Variants in RNF144B observed in about 807,000 individuals in gnomAD.
RNF144B encodes ring finger protein 144B.
Under a neutral mutation model 40.2 loss-of-function variants are expected in RNF144B, and 25 were observed. The observed-to-expected ratio is 0.62, with a 90% CI of 0.45 to 0.87. The LOEUF (loss-of-function observed/expected upper bound fraction) is 0.87, where lower values mean the gene tolerates loss of function less well. RNF144B is among the 40% of genes least tolerant of loss of function. The pLI, the probability that RNF144B is intolerant of heterozygous loss-of-function variation, is 0.00. For synonymous variants in RNF144B, 145 were observed against 136.3 expected, an observed-to-expected ratio of 1.06 and a Z score of -0.44; for missense variants, 365 against 373.7, an observed-to-expected ratio of 0.98 and a Z score of 0.19.
rs551689448 is a variant in RNF144B at position 18,434,872 on chromosome 6, C to T, written c.271-4812C>T. 6.6e-6 allele frequency among the ~76,000 whole-genome samples: 1 copy of T among 152,158 alleles called. No homozygotes were observed. Among genetic ancestry groups the T allele is most frequent in the East Asian group, 1.9e-4 (1 of 5,186 alleles). ...TCCTGACCTCGTGATCCACCTGCCT[C>T]GGCCTCCCAAAGTGCTAGGATTACA... On this transcript the variant is annotated intron_variant, in intron 3 of 7. Coordinates refer to ENST00000259939, the MANE Select transcript of RNF144B (RefSeq NM_182757.4). The surrounding 1 kb of genome is among the most constrained non-coding windows in gnomAD (Gnocchi z 4.1).
rs1042343954 is a variant in RNF144B, at chr6:18,450,929, C to A, written c.332-6226C>A. Among the ~76,000 whole-genome samples, 2 of 152,026 alleles carry A rather than the reference C, an allele frequency of 1.3e-5. No homozygotes were observed. The highest frequency in any genetic ancestry group is 2.9e-5 in the Non-Finnish European group (2 of 68,010). ...TTGTGTTTTGTCTCAGCATGTGTTT[C>A]CTGCTTTGTTTTATGATTAGGAGGG... On this transcript the variant is annotated intron_variant, in intron 4 of 7. Transcript: ENST00000259939. The surrounding 1 kb of genome is among the most constrained non-coding windows in gnomAD (Gnocchi z 4.7).
intron 1 of RNF144B, among the ~76,000 whole-genome samples, chr6:18,389,558 T>C (rs530531499): frequency 1.3e-5 from 2 of 152,364 alleles, no homozygotes; most frequent in Admixed American, 6.5e-5. Context: ...CTGCTAATCC[T>C]GGCTTCTTTG....
intron 1 of RNF144B, among the ~76,000 whole-genome samples, chr6:18,397,121 C>T (rs1411800479): frequency 2.0e-5 from 3 of 152,186 alleles, no homozygotes; most frequent in Non-Finnish European, 2.9e-5. Context: ...CTTCAGGTTG[C>T]TCGAGTTAGT....
In RNF144B at chr6:18,405,702, G is replaced by A. The variant is rs1794890960; in HGVS notation, c.165+6003G>A. Among the ~76,000 whole-genome samples, 1 of 152,108 alleles carries A rather than the reference G, an allele frequency of 6.6e-6. No individual in the cohort carries two copies. The highest frequency in any genetic ancestry group is 1.5e-5 in the Non-Finnish European group (1 of 68,016). ...TCCACTGACAACGGAGCCACTGCAG[G>A]GTCAGATGGCATCTGTGGAAAAAGA... On this transcript the variant is annotated intron_variant, in intron 2 of 7. Coordinates refer to ENST00000259939, the MANE Select transcript of RNF144B (RefSeq NM_182757.4). This position sits in a 1 kb window ranked among gnomAD's most constrained non-coding sequence, Gnocchi z 4.5.
In RNF144B at chr6:18,447,951, G is replaced by A. The variant is rs1169807098; in HGVS notation, c.331+8207G>A. 6.6e-6 allele frequency among the ~76,000 whole-genome samples: 1 copy of A among 152,108 alleles called. No homozygotes were observed. Among genetic ancestry groups the A allele is most frequent in the Non-Finnish European group, 1.5e-5 (1 of 68,032 alleles). ...GTGAAGACAGTGTTTAAGGAGGAGA[G>A]TGTCCACTGGGTCCGAAGCTACTGA... is the stretch of plus-strand genomic sequence containing the variant. On this transcript the variant is annotated intron_variant, in intron 4 of 7. Transcript: ENST00000259939. This position sits in a 1 kb window ranked among gnomAD's most constrained non-coding sequence, Gnocchi z 5.6.
intron 2 of RNF144B, among the ~76,000 whole-genome samples, chr6:18,424,280 G>A (rs1181702237): frequency 6.6e-6 from 1 of 152,168 alleles, no homozygotes; most frequent in Non-Finnish European, 1.5e-5. Flanking sequence ...ACAAGCCTGG[G>A]GTACTTGAAA....
rs879422022 is a variant in RNF144B, at chr6:18,457,796, A to G, written c.536+437A>G. Among the ~76,000 whole-genome samples, 10 of 152,068 alleles carry G rather than the reference A, an allele frequency of 6.6e-5. No individual in the cohort carries two copies. The highest frequency in any genetic ancestry group is 1.3e-4 in the Non-Finnish European group (9 of 68,044). On this transcript the variant is annotated intron_variant, in intron 5 of 7. Transcript: ENST00000259939. This position sits in a 1 kb window ranked among gnomAD's most constrained non-coding sequence, Gnocchi z 5.1. ...TGACAGTCATATTAGAAAGAACACA[A>G]CAATAGAAACAACGGTCCTAAATTC...
chr6:18,452,997 G>T (rs1396434962), intron 4 of RNF144B, among the ~76,000 whole-genome samples: 1 of 152,084 alleles, frequency 6.6e-6, no homozygotes, highest in African/African-American at 2.4e-5. Context: ...CTGTTGGCCA[G>T]GCTGGTCTTG....
intron 1 of RNF144B, among the ~76,000 whole-genome samples, chr6:18,397,662 G>A (rs1794720578): frequency 6.6e-6 from 1 of 152,088 alleles, no homozygotes; most frequent in African/African-American, 2.4e-5. Flanking sequence ...TTTTGTTTCT[G>A]TGCAGCTTCA....
rs1016389998 is a variant in RNF144B, at chr6:18,434,766, C to T, written c.271-4918C>T. The stretch of plus-strand genomic sequence containing the variant: ...CCTCCTGAGTAGCTGGGACTACAGG[C>T]GCCTGCTACCACGCCCAGCTAATTT... On this transcript the variant is annotated intron_variant, in intron 3 of 7. Transcript: ENST00000259939. This position sits in a 1 kb window ranked among gnomAD's most constrained non-coding sequence, Gnocchi z 4.1. Among the ~76,000 whole-genome samples, 1 of 152,046 alleles carries T rather than the reference C, an allele frequency of 6.6e-6. No homozygotes were observed. The highest frequency in any genetic ancestry group is 6.6e-5 in the Admixed American group (1 of 15,254).
intron 2 of RNF144B, among the ~76,000 whole-genome samples, chr6:18,424,104 G>A (rs1221427216): frequency 6.6e-6 from 1 of 152,146 alleles, no homozygotes; most frequent in Non-Finnish European, 1.5e-5. Context: ...CTAGATGCCA[G>A]TTTTCCCCCC....
rs1759321741 is a variant in RNF144B at position 18,456,187 on chromosome 6, G to T, written c.332-968G>T. On this transcript the variant is annotated intron_variant, in intron 4 of 7. Coordinates refer to ENST00000259939, the MANE Select transcript of RNF144B (RefSeq NM_182757.4). The surrounding 1 kb of genome is among the most constrained non-coding windows in gnomAD (Gnocchi z 4.7). ...TCCGCCTACCTCAGCCTCCCAAAGT[G>T]CTGGGATTACAGGCGTGAGCCACAG... Among the ~76,000 whole-genome samples the T allele has an allele frequency of 6.6e-6, 1 of 152,184 alleles. No homozygotes were observed. Among genetic ancestry groups the T allele is most frequent in the African/African-American group, 2.4e-5 (1 of 41,456 alleles).
rs1759530261 is a variant in RNF144B at position 18,464,351 on chromosome 6, T to G, written c.772-576T>G. ...TATACTGAGCTTGCGACAGCTTGAG[T>G]TAGCATTTGGATGGTTTCCATCCTT... is the stretch of plus-strand genomic sequence containing the variant. On this transcript the variant is annotated intron_variant, in intron 7 of 7. Transcript: ENST00000259939. This position sits in a 1 kb window ranked among gnomAD's most constrained non-coding sequence, Gnocchi z 6.1. Among the ~76,000 whole-genome samples the G allele has an allele frequency of 1.3e-5, 2 of 152,042 alleles. No individual in the cohort carries two copies. Among genetic ancestry groups the G allele is most frequent in the African/African-American group, 4.8e-5 (2 of 41,404 alleles).
rs1758443689 is a variant in RNF144B, at chr6:18,422,285, T to A, written c.166-5296T>A. Among the ~76,000 whole-genome samples, 1 of 152,176 alleles carries A rather than the reference T, an allele frequency of 6.6e-6. No homozygotes were observed. Among genetic ancestry groups the A allele is most frequent in the South Asian group, 2.1e-4 (1 of 4,822 alleles). On this transcript the variant is annotated intron_variant, in intron 2 of 7. Transcript: ENST00000259939. This position sits in a 1 kb window ranked among gnomAD's most constrained non-coding sequence, Gnocchi z 4.7. ...CTTATTCTTGGATCATGTGTACAGA[T>A]CATAGTCTGAAGTGGAATAAGCAGA...
At chr6:18,427,174 C>T (rs999600039) in intron 2 of RNF144B, among the ~76,000 whole-genome samples, 1 of 152,140 alleles carries the variant, frequency 6.6e-6, no homozygotes, top group Non-Finnish European at 1.5e-5. Context: ...TAGCTCAGTG[C>T]AAGGGTCACA....
intron 2 of RNF144B, among the ~76,000 whole-genome samples, chr6:18,409,269 T>A (rs540067066): frequency 6.7e-6 from 1 of 148,950 alleles, no homozygotes; most frequent in Admixed American, 6.9e-5. Flanking sequence ...TCCCAGCTAT[T>A]TGGGAGGCTG....
At position 18,447,745 on chromosome 6, in the gene RNF144B, G is replaced by A. The variant is rs1759114800; in HGVS notation, c.331+8001G>A. Among the ~76,000 whole-genome samples, 1 of 152,164 alleles carries A rather than the reference G, an allele frequency of 6.6e-6. No homozygotes were observed. Among genetic ancestry groups the A allele is most frequent in the Admixed American group, 6.5e-5 (1 of 15,272 alleles). ...AGTCAGGATCAGTAGTATAAACTTT[G>A]GAATCGTCAGCATAGAGGTCAGGTT... On this transcript the variant is annotated intron_variant, in intron 4 of 7. Transcript: ENST00000259939. This position sits in a 1 kb window ranked among gnomAD's most constrained non-coding sequence, Gnocchi z 5.6.
chr6:18,420,530 G>A (rs1707566195), intron 2 of RNF144B, among the ~76,000 whole-genome samples: 2 of 152,140 alleles, frequency 1.3e-5, no homozygotes, highest in African/African-American at 4.8e-5. Context: ...TGCTGGGCGT[G>A]CTACATTGCT....
At chr6:18,455,808 T>C (rs183292704) in intron 4 of RNF144B, among the ~76,000 whole-genome samples, 30 of 152,354 alleles carry the variant, frequency 2.0e-4, no homozygotes, top group Non-Finnish European at 3.5e-4. Context: ...CTGTATGTCA[T>C]ATGGAACTAG....
Sources: gnomAD v4.1 joint callset for allele counts (sites outside exome capture counted in the v4.1 genomes callset) on GRCh38, gnomAD v4.1.1 for gene constraint, Gnocchi (gnomAD v3.1) non-coding constraint, MANE v1.5 for transcripts, NCBI Gene and HGNC (gene_info 2026-07-23, HGNC 2026-07-21) for gene names.